Variants in PALLD observed in about 807,000 individuals in gnomAD.
PALLD encodes palladin.
In PALLD, 61 loss-of-function variants were observed where a neutral mutation model predicts 123.5. The observed-to-expected ratio is 0.49, with a 90% confidence interval of 0.40 to 0.61. PALLD has a LOEUF of 0.61. Ranked by LOEUF, PALLD falls within the 20% of genes least tolerant of loss-of-function variation. PALLD has a pLI of 0.00. For missense variants in PALLD, 1,273 were observed against 1,377.0 expected (o/e 0.92, Z 1.20); for synonymous variants, 465 against 496.4 (o/e 0.94, Z 0.84).
chr4:168,538,246 C>T (rs1179657488), intron 2 of PALLD, among the ~76,000 whole-genome samples: 3 of 152,142 alleles, frequency 2.0e-5, no homozygotes, highest in South Asian at 2.1e-4. Context: ...AGTATAGATC[C>T]AGGGAATTAT....
chr4:168,801,414 G>T (rs1169543542), intron 10 of PALLD, among the ~76,000 whole-genome samples: 1 of 152,118 alleles, frequency 6.6e-6, no homozygotes, highest in East Asian at 1.9e-4. Context: ...GAGTAGCTGG[G>T]ATTATAGGCG....
intron 10 of PALLD, chr4:168,864,355 G>A (rs142933591): frequency 6.6e-6 from 1 of 152,320 alleles, no homozygotes; most frequent in African/African-American, 2.4e-5. Flanking sequence ...AAGCCTTTTA[G>A]TGAAAGAAGT....
intron 10 of PALLD, among the ~76,000 whole-genome samples, chr4:168,714,370 G>A (rs1291697768): frequency 6.6e-6 from 1 of 152,142 alleles, no homozygotes; most frequent in Non-Finnish European, 1.5e-5. Flanking sequence ...TCTCAAAGGT[G>A]TGATATTCTG....
intron 10 of PALLD, among the ~76,000 whole-genome samples, chr4:168,738,053 C>T (rs1335304287): frequency 6.6e-6 from 1 of 152,198 alleles, no homozygotes; most frequent in Non-Finnish European, 1.5e-5. Flanking sequence ...CATTTTAAAA[C>T]CACATTACCT....
chr4:168,821,098 G>T (rs1026654833), intron 10 of PALLD, among the ~76,000 whole-genome samples: 13 of 152,134 alleles, frequency 8.5e-5, no homozygotes, highest in Non-Finnish European at 1.5e-4. Flanking sequence ...ATAAAGATAT[G>T]CCCAGAGTAA....
intron 2 of PALLD, among the ~76,000 whole-genome samples, chr4:168,560,667 A>C (rs1767774942): frequency 6.6e-6 from 1 of 152,192 alleles, no homozygotes; most frequent in Non-Finnish European, 1.5e-5. Flanking sequence ...GAGATCAGAG[A>C]AGAAGCTCAT....
intron 10 of PALLD, among the ~76,000 whole-genome samples, chr4:168,787,027 C>G (rs1233246197): frequency 6.6e-6 from 1 of 152,172 alleles, no homozygotes; most frequent in Non-Finnish European, 1.5e-5. Flanking sequence ...AACTTACCTT[C>G]TATCCATCTG....
chr4:168,726,829 T>C (rs1786640972), intron 10 of PALLD, among the ~76,000 whole-genome samples: 1 of 152,166 alleles, frequency 6.6e-6, no homozygotes. Flanking sequence ...ATTATACCCA[T>C]GTAGTGAATG....
intron 3 of PALLD, among the ~76,000 whole-genome samples, chr4:168,669,814 A>G (rs1780007033): frequency 6.6e-6 from 1 of 151,960 alleles, no homozygotes; most frequent in Non-Finnish European, 1.5e-5. Context: ...ACACACACAC[A>G]CACACACACA....
intron 12 of PALLD, among the ~76,000 whole-genome samples, chr4:168,895,392 A>T (rs1424803763): frequency 6.6e-6 from 1 of 152,230 alleles, no homozygotes; most frequent in Non-Finnish European, 1.5e-5. Flanking sequence ...AAAACAAAAC[A>T]AAACTAAAAA....
At chr4:168,552,729 G>T (rs1766864562) in intron 2 of PALLD, among the ~76,000 whole-genome samples, 1 of 152,100 alleles carries the variant, frequency 6.6e-6, no homozygotes, top group Non-Finnish European at 1.5e-5. Flanking sequence ...AGGCTGGAGT[G>T]CAGTGGCATG....
chr4:168,670,421 A>C (rs1780074069), intron 3 of PALLD, among the ~76,000 whole-genome samples: 1 of 152,242 alleles, frequency 6.6e-6, no homozygotes, highest in Non-Finnish European at 1.5e-5. Context: ...AACAGCAGAT[A>C]AACACATTTT....
At chr4:168,835,286 A>G (rs1177080665) in intron 10 of PALLD, among the ~76,000 whole-genome samples, 2 of 152,232 alleles carry the variant, frequency 1.3e-5, no homozygotes, top group Non-Finnish European at 2.9e-5. Flanking sequence ...GTATTTTACA[A>G]ATAATCTTCT....
chr4:168,837,973 G>T (rs750703488), intron 10 of PALLD, among the ~76,000 whole-genome samples: 2 of 152,204 alleles, frequency 1.3e-5, no homozygotes, highest in Non-Finnish European at 2.9e-5. Flanking sequence ...GGAGCATGAG[G>T]AATGCCAGGT....
At chr4:168,813,107 G>GT (rs373223323) in intron 10 of PALLD, among the ~76,000 whole-genome samples, 6 of 151,698 alleles carry the variant, frequency 4.0e-5, no homozygotes, top group African/African-American at 7.3e-5. Flanking sequence ...CGTACTTTTG[G>GT]GGGGGGCGGA....
At chr4:168,685,810 GAAAAA>G (rs70961550) in intron 6 of PALLD, among the ~76,000 whole-genome samples, 2 of 65,666 alleles carry the variant, frequency 3.0e-5, no homozygotes, top group African/African-American at 5.8e-5. Context: ...AAGACAGATA[GAAAAA>G]AAAAAAAAAA....
chr4:168,507,616 G>A (rs948754949), intron 1 of PALLD: 3 of 201,304 alleles, frequency 1.5e-5, no homozygotes, highest in African/African-American at 2.3e-5. Flanking sequence ...GCCTTCTCAC[G>A]GACCGCCCTA....
chr4:168,637,501 A>T lies in PALLD; in HGVS notation c.909-30689A>T, dbSNP rs1033622701. ...ATGAAATAGATGTTACTTTTTATTT[A>T]AAAAAAAAAAAAAGTAGTGACTGAG... is the stretch of plus-strand genomic sequence containing the variant. On this transcript the variant is annotated intron_variant, in intron 2 of 21. Transcript: ENST00000505667. 1.5e-4 allele frequency among the ~76,000 whole-genome samples: 12 copies of T among 77,688 alleles called. No homozygotes were observed. In the East Asian group the frequency reaches 1.8e-3, roughly 12 times the overall value. 51.0% of individuals were successfully genotyped at this position (77,688 alleles called of 152,430 possible). A position where few individuals can be genotyped will look rare whatever the true frequency, so the allele number is the denominator to read the frequency against.
intron 2 of PALLD, among the ~76,000 whole-genome samples, chr4:168,513,105 C>A (rs1337995568): frequency 6.6e-6 from 1 of 151,732 alleles, no homozygotes; most frequent in South Asian, 2.1e-4. Context: ...GAAACAAAAA[C>A]CAAACAAAAA....
Sources: allele counts gnomAD v4.1 joint callset (sites outside exome capture counted in the v4.1 genomes callset), GRCh38; gene constraint gnomAD v4.1.1; transcripts MANE v1.5; gene names NCBI Gene and HGNC (gene_info 2026-07-23, HGNC 2026-07-21).